MLLT6: variants seen among roughly 807,000 people sequenced by gnomAD.
MLLT6 encodes protein AF-17.
MLLT6 carries 22 observed loss-of-function variants against 103.0 expected under a neutral mutation model. The observed-to-expected ratio is 0.21, with a 90% CI of 0.15 to 0.31. The LOEUF (loss-of-function observed/expected upper bound fraction) is 0.31. Ranked by LOEUF, MLLT6 falls within the 10% of genes least tolerant of loss-of-function variation. The pLI is 1.00. For missense variants in MLLT6, 1,199 were observed against 1,441.7 expected, an observed-to-expected ratio of 0.83 and a Z score of 2.73; for synonymous variants, 606 against 623.5, an observed-to-expected ratio of 0.97 and a Z score of 0.42.
chr17:38,710,446 T>C (rs1905107503), intron 6 of MLLT6, among the ~76,000 whole-genome samples: 1 of 152,028 alleles, frequency 6.6e-6, no homozygotes, highest in Non-Finnish European at 1.5e-5. Flanking sequence ...TCAGATTTGT[T>C]TTTTAGGAAG....
intron 12 of MLLT6, 38 bp from the exon 13 acceptor site, chr17:38,719,479 A>G (rs1338723217): frequency 6.4e-7 from 1 of 1,561,046 alleles, no homozygotes; most frequent in South Asian, 1.2e-5. Flanking sequence ...GGCAGCTACC[A>G]CTCCTCCACG....
rs1259940826 is a variant in MLLT6, at chr17:38,719,875, A to T, written c.2135A>T (p.Asp712Val). Reference protein sequence around the residue: ...NMEQLLEKQGDGEAGVNIVEM... With the variant: ...NMEQLLEKQGVGEAGVNIVEM... The stretch of plus-strand genomic sequence containing the variant: ...GAGCAGCTTCTGGAGAAGCAGGGCG[A>T]CGGGGAGGCCGGCGTCAACAGTGAG... Residue 712 changes from aspartate (D) to valine (V), a missense_variant, in exon 14 of 20, where the codon GAC (aspartate) becomes GTC (valine). Asp to Val is a radical substitution (Grantham distance 152, BLOSUM62 -3). Coordinates refer to ENST00000621332, the MANE Select transcript of MLLT6 (RefSeq NM_005937.4). 1.3e-6 allele frequency: 2 copies of T among 1,595,806 alleles called. No homozygotes were observed. Among genetic ancestry groups the T allele is most frequent in the Non-Finnish European group, 1.7e-6 (2 of 1,172,040 alleles).
In MLLT6 at chr17:38,717,404, G is replaced by A. The variant is rs372817724; in HGVS notation, c.1652-28G>A. On this transcript the variant is annotated intron_variant, in intron 10 of 19. Coordinates refer to ENST00000621332, the MANE Select transcript of MLLT6 (RefSeq NM_005937.4). ...GGAGTCTGGGGTGGAGAGTAACCACGTGCTTCCCTCTGTCCTTGTGCCTGC... is the reference window on the plus strand; with the variant it reads ...GGAGTCTGGGGTGGAGAGTAACCACATGCTTCCCTCTGTCCTTGTGCCTGC... The A allele has an allele frequency of 2.2e-5, 34 of 1,539,928 alleles. No homozygotes were observed. In the East Asian group the frequency reaches 2.5e-4, roughly 11 times the overall value.
At chr17:38,717,091 T>G (rs1258907019) in intron 10 of MLLT6, 110 bp downstream of exon 10, 1 of 1,480,482 alleles carries the variant, frequency 6.8e-7, no homozygotes, top group African/African-American at 1.4e-5. Context: ...CTCCAAAAGA[T>G]AGAGCACGGA....
Position 38,715,654 on chromosome 17 carries a change from A to G in MLLT6, c.862A>G (p.Thr288Ala). The change falls in exon 9 of 20, where the codon ACG becomes GCG. Residue 288 changes from threonine to alanine, a missense_variant. Around this residue, in one of 7 missense-constraint regions of MLLT6, gnomAD observed 1,034 missense variants for 1,091.5 expected, o/e 0.95. Transcript: ENST00000621332. ...ASSSSHHEAS[T>A]QETSESSRES... Reference sequence around the variant, plus strand: ...CTCTTCCTCCCACCACGAGGCCAGCACGCAGGAGACCTCTGAGAGCAGCAG... The same window carrying G: ...CTCTTCCTCCCACCACGAGGCCAGCGCGCAGGAGACCTCTGAGAGCAGCAG... 6.2e-7 allele frequency: 1 copy of G among 1,614,026 alleles called. No homozygotes were observed.
intron 18 of MLLT6, 61 bp downstream of exon 18, chr17:38,722,829 A>C: frequency 6.3e-5 from 80 of 1,270,360 alleles, no homozygotes; most frequent in Non-Finnish European, 8.6e-5. Flanking sequence ...GGCACATCTC[A>C]GAGGATCAGG....
At position 38,724,103 on chromosome 17, in the gene MLLT6, A is replaced by G. The variant is rs1905899278; in HGVS notation, c.2884-517A>G. Among the ~76,000 whole-genome samples the G allele has an allele frequency of 1.3e-5, 2 of 152,016 alleles. No individual in the cohort carries two copies. The highest frequency in any genetic ancestry group is 2.0e-4 in the East Asian group (1 of 5,122). On this transcript the variant is annotated intron_variant, in intron 18 of 19. Coordinates refer to ENST00000621332, the MANE Select transcript of MLLT6 (RefSeq NM_005937.4). This position sits in a 1 kb window ranked among gnomAD's most constrained non-coding sequence, Gnocchi z 5.4. ...GAAACCCCGTCTCTACTAAAAATAC[A>G]AAAATTAGCCGGATGTGGTGGCAGG...
At chr17:38,717,703 C>A (rs974124857) in intron 11 of MLLT6, 90 bp downstream of exon 11, 4 of 1,491,840 alleles carry the variant, frequency 2.7e-6, no homozygotes, top group Non-Finnish European at 3.7e-6. Context: ...ATTGGAGCAA[C>A]TGGGCTGAGT....
At position 38,709,410 on chromosome 17, in the gene MLLT6, C is replaced by T; in HGVS notation, c.459-72C>T. The T allele has an allele frequency of 6.9e-7, 1 of 1,456,792 alleles. No homozygotes were observed. The highest frequency in any genetic ancestry group is 9.6e-7 in the Non-Finnish European group (1 of 1,036,886). The allele number at this position is 1,456,792 out of a possible 1,614,324, so 90.2% of individuals were successfully genotyped here. On this transcript the variant is annotated intron_variant, in intron 5 of 19. Transcript: ENST00000621332. This position sits in a 1 kb window ranked among gnomAD's most constrained non-coding sequence, Gnocchi z 4.3. ...GTCTTGGCTTCGCCTCAGCAGGGGG[C>T]CAGGAGGGTGAGAGGAAGGTGGCTC...
In MLLT6 at chr17:38,709,079, T is replaced by C; in HGVS notation, c.355-94T>C. The C allele has an allele frequency of 4.4e-6, 4 of 903,008 alleles. No homozygotes were observed. The South Asian group carries it at 5.9e-5, about 13-fold the overall frequency. The allele number at this position is 903,008 out of a possible 1,614,324, so 55.9% of individuals were successfully genotyped here. A position where few individuals can be genotyped will look rare whatever the true frequency, so the allele number is the denominator to read the frequency against. On this transcript the variant is annotated intron_variant, in intron 4 of 19. Coordinates refer to ENST00000621332, the MANE Select transcript of MLLT6 (RefSeq NM_005937.4). The surrounding 1 kb of genome is among the most constrained non-coding windows in gnomAD (Gnocchi z 4.3). ...CTGTGGGATAGCACTGATCTAAGAC[T>C]GTAGAGAGCAAATGGAATGGAGGGG... is the stretch of plus-strand genomic sequence containing the variant.
rs576882519 is a variant in MLLT6 at position 38,727,527 on chromosome 17, G to C, written c.*1929G>C. On this transcript the variant is annotated 3_prime_UTR_variant, in exon 20 of 20. Coordinates refer to ENST00000621332, the MANE Select transcript of MLLT6 (RefSeq NM_005937.4). ...AAAAGAAAAGTAACCTTCAGGCCAG[G>C]CGCGGTGGCTCACGCCTGTAATCCC... The C allele has an allele frequency of 4.8e-6, 1 of 207,860 alleles. No individual in the cohort carries two copies. The highest frequency in any genetic ancestry group is 1.9e-4 in the South Asian group (1 of 5,304). 12.9% of individuals were successfully genotyped at this position (207,860 alleles called of 1,614,324 possible).
In MLLT6 at chr17:38,724,586, C is replaced by T. The variant is rs191813808; in HGVS notation, c.2884-34C>T. 7.2e-6 allele frequency: 11 copies of T among 1,518,888 alleles called. No homozygotes were observed. In the Admixed American group the frequency reaches 1.3e-4, roughly 19 times the overall value. 94.1% of individuals were successfully genotyped at this position (1,518,888 alleles called of 1,614,324 possible). A position where few individuals can be genotyped will look rare whatever the true frequency, so the allele number is the denominator to read the frequency against. ...GGCAGCAGGGAAGAGACCCCCGGGACTGTTGGCCAACAAGCGGTCTGGCCC... is the reference window on the plus strand; with the variant it reads ...GGCAGCAGGGAAGAGACCCCCGGGATTGTTGGCCAACAAGCGGTCTGGCCC... On this transcript the variant is annotated intron_variant, in intron 18 of 19. Coordinates refer to ENST00000621332, the MANE Select transcript of MLLT6 (RefSeq NM_005937.4). The surrounding 1 kb of genome is among the most constrained non-coding windows in gnomAD (Gnocchi z 5.4).
intron 6 of MLLT6, among the ~76,000 whole-genome samples, chr17:38,710,419 G>T (rs1215029789): frequency 6.6e-6 from 1 of 152,200 alleles, no homozygotes; most frequent in Non-Finnish European, 1.5e-5. Flanking sequence ...AGGCCTGTAA[G>T]CGGGAGAGTA....
Position 38,722,001 on chromosome 17 carries a change from GC to G in MLLT6, c.2570del (p.Pro857HisfsTer47). ...TLPLALPGAP[A>X]PLPPQPQNGL... ...GCCCCTGGCCCTGCCTGGGGCCCCT[GC>G]CCCACTCCCGCCCCAGCCGCAGAAC... is the stretch of plus-strand genomic sequence containing the variant. On this transcript the variant is annotated frameshift_variant, in exon 17 of 20. Transcript: ENST00000621332. LOFTEE classifies it high-confidence loss of function. The G allele has an allele frequency of 6.7e-7, 1 of 1,488,626 alleles. No individual in the cohort carries two copies. The highest frequency in any genetic ancestry group is 8.9e-7 in the Non-Finnish European group (1 of 1,121,026). 92.2% of individuals were successfully genotyped at this position (1,488,626 alleles called of 1,614,324 possible).
chr17:38,711,900 T>TGGC lies in MLLT6; in HGVS notation c.607_609dup (p.Gly203dup). On this transcript the variant is annotated inframe_insertion, in exon 7 of 20. Coordinates refer to ENST00000621332, the MANE Select transcript of MLLT6 (RefSeq NM_005937.4). ...GCGGAGGAGGCGCTGGAGGAGGAGG[T>TGGC]GGCAGCATGGGGGGAGGTGGCAGTG... 1 of 1,600,838 alleles carries TGGC rather than the reference T, an allele frequency of 6.2e-7. No individual in the cohort carries two copies. Among genetic ancestry groups the TGGC allele is most frequent in the Non-Finnish European group, 8.5e-7 (1 of 1,173,340 alleles).
chr17:38,719,786 G>T lies in MLLT6; in HGVS notation c.2046G>T (p.Gln682His), dbSNP rs967844041. The T allele has an allele frequency of 6.2e-7, 1 of 1,613,314 alleles. No homozygotes were observed. The highest frequency in any genetic ancestry group is 1.3e-5 in the African/African-American group (1 of 74,916). The change falls in exon 14 of 20, where the codon CAG becomes CAT. Residue 682 changes from glutamine (Q) to histidine (H), a missense_variant. Physicochemically the swap from Gln to His is conservative, Grantham distance 24. This residue lies in a region of MLLT6 where 1,034 missense variants were observed against 1,091.5 expected (regional missense o/e 0.95). Transcript: ENST00000621332. ...PISSLPALFD[Q>H]TASAPCGGGQ... ...GCAGCCTCCCCGCACTCTTCGACCA[G>T]ACAGCCTCTGCACCCTGTGGGGGCG...
chr17:38,725,146 C>T (rs1315486079), intron 19 of MLLT6, 170 bp downstream of exon 19: 1 of 579,688 alleles, frequency 1.7e-6, no homozygotes, highest in Admixed American at 3.4e-5. Flanking sequence ...GGGTGCCCTC[C>T]TGCACGGCCA....
intron 6 of MLLT6, among the ~76,000 whole-genome samples, chr17:38,710,906 T>C (rs1905121008): frequency 6.6e-6 from 1 of 152,174 alleles, no homozygotes; most frequent in South Asian, 2.1e-4. Flanking sequence ...GGAGACACCA[T>C]GTGGAGACAT....
Position 38,721,897 on chromosome 17 carries a change from C to G in MLLT6, c.2462C>G (p.Pro821Arg). ...CCCCAGGACCCACACTCAGGCTGCC[C>G]GAGCCGCAGCAGCTCGTCGCTGTCC... is the stretch of plus-strand genomic sequence containing the variant. Reference protein sequence around the residue: ...TSSEDPHSGCPSRSSSSLSFH... With the variant: ...TSSEDPHSGCRSRSSSSLSFH... The change falls in exon 17 of 20, where the codon CCG becomes CGG. Residue 821 changes from proline to arginine, a missense_variant. Physicochemically the swap from Pro to Arg is moderately radical, Grantham distance 103. Around this residue, in one of 7 missense-constraint regions of MLLT6, gnomAD observed 1,034 missense variants for 1,091.5 expected, o/e 0.95. Coordinates refer to ENST00000621332, the MANE Select transcript of MLLT6 (RefSeq NM_005937.4). 1.3e-6 allele frequency: 2 copies of G among 1,576,638 alleles called. No individual in the cohort carries two copies. The highest frequency in any genetic ancestry group is 1.7e-5 in the Admixed American group (1 of 57,472).
Sources: allele counts gnomAD v4.1 joint callset (sites outside exome capture counted in the v4.1 genomes callset), GRCh38; gene constraint gnomAD v4.1.1; regional missense constraint gnomAD v4.1.1; non-coding constraint Gnocchi (gnomAD v3.1); transcripts MANE v1.5; gene names NCBI Gene and HGNC (gene_info 2026-07-23, HGNC 2026-07-21).